SALL3: variants seen among roughly 807,000 people sequenced by gnomAD.
The protein encoded by SALL3 is spalt like transcription factor 3.
A neutral mutation model predicts 66.2 loss-of-function variants in SALL3; 25 were observed. The ratio of observed to expected loss-of-function variants is 0.38; its 90% CI spans 0.28 to 0.53. The LOEUF (loss-of-function observed/expected upper bound fraction) is 0.53, where lower values mean the gene tolerates loss of function less well. SALL3 is among the 20% of genes least tolerant of loss of function. SALL3 has a pLI of 0.85. For synonymous variants in SALL3, 1,152 were observed against 899.1 expected, an observed-to-expected ratio of 1.28 and a Z score of -5.03; for missense variants, 2,194 against 1,916.5, an observed-to-expected ratio of 1.14 and a Z score of -2.70.
At chr18:78,991,916 C>G in intron 1 of SALL3, 158 bp from the exon 2 acceptor site, 1 of 513,302 alleles carries the variant, frequency 1.9e-6, no homozygotes, top group South Asian at 4.3e-5. Flanking sequence ...AAATGATTAG[C>G]TAGCTAGAAA....
intron 1 of SALL3, among the ~76,000 whole-genome samples, chr18:78,990,544 T>C (rs1356391636): frequency 6.6e-6 from 1 of 152,256 alleles, no homozygotes; most frequent in Admixed American, 6.5e-5. Flanking sequence ...GAATTCTCTA[T>C]TGAACTCAGT....
At chr18:78,989,844 C>T (rs2146212336) in intron 1 of SALL3, among the ~76,000 whole-genome samples, 1 of 152,234 alleles carries the variant, frequency 6.6e-6, no homozygotes, top group East Asian at 1.9e-4. Flanking sequence ...TATTTCTGTG[C>T]CATATAGATG....
Position 78,992,079 on chromosome 18 carries a change from C to G in SALL3, c.88C>G (p.Pro30Ala). 1.3e-6 allele frequency: 2 copies of G among 1,507,558 alleles called. No homozygotes were observed. The highest frequency in any genetic ancestry group is 1.8e-6 in the Non-Finnish European group (2 of 1,124,804). The allele number at this position is 1,507,558 out of a possible 1,614,324, so 93.4% of individuals were successfully genotyped here. Residue 30 changes from proline (P) to alanine (A), a missense_variant, in exon 2 of 3, where the codon CCG (proline) becomes GCG (alanine). Coordinates refer to ENST00000537592, the MANE Select transcript of SALL3 (RefSeq NM_171999.4). ...PPDGAPEHAA[P>A]GEGAEDADSG... ...TCACTCTCTTGGTCTTGCAGCCGCC[C>G]CGGGGGAAGGTGCGGAGGACGCAGA...
At position 78,994,109 on chromosome 18, in the gene SALL3, G is replaced by C. The variant is rs145469808; in HGVS notation, c.2118G>C (p.Pro706=). ...ACCGGACGCACACGGGGGAGCGGCC[G>C]TTCAAGTGCAAGATCTGCGGCCGCG... ...MHYRTHTGER[P]FKCKICGRAF... Residue 706 remains proline (P), a synonymous_variant, in exon 2 of 3, where the codon CCG becomes CCC. Transcript: ENST00000537592. The C allele has an allele frequency of 5.6e-6, 9 of 1,612,938 alleles. No individual in the cohort carries two copies. The highest frequency in any genetic ancestry group is 7.6e-6 in the Non-Finnish European group (9 of 1,179,978).
At chr18:78,981,859 G>A (rs185654662) in intron 1 of SALL3, among the ~76,000 whole-genome samples, 3 of 152,240 alleles carry the variant, frequency 2.0e-5, no homozygotes, top group Admixed American at 2.0e-4. Context: ...CAAATGAATG[G>A]ATTTATTTCT....
chr18:78,993,278 C>A lies in SALL3; in HGVS notation c.1287C>A (p.Phe429Leu), dbSNP rs780792521. ...KHKCRFCAKV[F>L]GSDSALQIHL... ...AATGCCGCTTCTGCGCCAAGGTCTT[C>A]GGCAGCGACAGCGCGCTCCAGATCC... is the stretch of plus-strand genomic sequence containing the variant. The change falls in exon 2 of 3, where the codon TTC becomes TTA. Residue 429 changes from phenylalanine to leucine, a missense_variant. By Grantham distance (22) the Phe-to-Leu change is conservative. Coordinates refer to ENST00000537592, the MANE Select transcript of SALL3 (RefSeq NM_171999.4). 1 of 1,610,728 alleles carries A rather than the reference C, an allele frequency of 6.2e-7. No individual in the cohort carries two copies. The highest frequency in any genetic ancestry group is 1.7e-5 in the Admixed American group (1 of 59,954).
In SALL3 at chr18:78,992,732, C is replaced by T. The variant is rs1914492972; in HGVS notation, c.741C>T (p.Ala247=). 4 of 1,348,780 alleles carry T rather than the reference C, an allele frequency of 3.0e-6. No homozygotes were observed. The highest frequency in any genetic ancestry group is 1.6e-5 in the African/African-American group (1 of 63,406). 83.6% of individuals were successfully genotyped at this position (1,348,780 alleles called of 1,614,324 possible). A position where few individuals can be genotyped will look rare whatever the true frequency, so the allele number is the denominator to read the frequency against. ...GGCCCTCACTCAGCCCCGCGGCCGCCCCGAGCGCACCGGGCCCGGCCCCCA... is the reference window on the plus strand; with the variant it reads ...GGCCCTCACTCAGCCCCGCGGCCGCTCCGAGCGCACCGGGCCCGGCCCCCA... ...PPRPSLSPAA[A]PSAPGPAPSQ... Residue 247 remains alanine, a synonymous_variant, in exon 2 of 3, where the codon GCC becomes GCT. Coordinates refer to ENST00000537592, the MANE Select transcript of SALL3 (RefSeq NM_171999.4).
At position 78,992,376 on chromosome 18, in the gene SALL3, A is replaced by G. The variant is rs1914471199; in HGVS notation, c.385A>G (p.Lys129Glu). The G allele has an allele frequency of 7.5e-7, 1 of 1,330,818 alleles. No individual in the cohort carries two copies. The highest frequency in any genetic ancestry group is 9.6e-7 in the Non-Finnish European group (1 of 1,046,772). The allele number at this position is 1,330,818 out of a possible 1,614,324, so 82.4% of individuals were successfully genotyped here. A position where few individuals can be genotyped will look rare whatever the true frequency, so the allele number is the denominator to read the frequency against. ...GGAGGGCGAGGCCAGGCCGGTGGAGAAGGAGGCCGAGCCCATGGACGCGGA... is the reference window on the plus strand; with the variant it reads ...GGAGGGCGAGGCCAGGCCGGTGGAGGAGGAGGCCGAGCCCATGGACGCGGA... Reference protein sequence around the residue: ...GAEGEARPVEKEAEPMDAEPA... With the variant: ...GAEGEARPVEEEAEPMDAEPA... The change falls in exon 2 of 3, where the codon AAG becomes GAG. Residue 129 changes from lysine to glutamate, a missense_variant. Physicochemically the swap from Lys to Glu is moderately conservative, Grantham distance 56 (BLOSUM62 1). Transcript: ENST00000537592.
rs548990956 is a variant in SALL3, at chr18:78,994,777, A to C, written c.2786A>C (p.Gln929Pro). 2 of 1,599,324 alleles carry C rather than the reference A, an allele frequency of 1.3e-6. No homozygotes were observed. Among genetic ancestry groups the C allele is most frequent in the South Asian group, 2.2e-5 (2 of 90,390 alleles). Reference sequence around the variant, plus strand: ...GGCCTGGGCGCCCCGGAGGAGCCCCAGGAAATCCCGCTCAAGACCGAGAGG... The same window carrying C: ...GGCCTGGGCGCCCCGGAGGAGCCCCCGGAAATCCCGCTCAAGACCGAGAGG... ...SPGLGAPEEP[Q>P]EIPLKTERPD... The change falls in exon 2 of 3, where the codon CAG (glutamine) becomes CCG (proline). Residue 929 changes from glutamine (Q) to proline (P), a missense_variant. Physicochemically the swap from Gln to Pro is moderately conservative, Grantham distance 76. Transcript: ENST00000537592.
In SALL3 at chr18:78,993,112, C is replaced by T. The variant is rs757649430; in HGVS notation, c.1121C>T (p.Pro374Leu). Residue 374 changes from proline (P) to leucine (L), a missense_variant, in exon 2 of 3, where the codon CCC (proline) becomes CTC (leucine). Coordinates refer to ENST00000537592, the MANE Select transcript of SALL3 (RefSeq NM_171999.4). ...PQTSASGVIFPNPLVSIAATA... is the reference protein window; with the variant it reads ...PQTSASGVIFLNPLVSIAATA... ...ACTTCCGCCAGCGGCGTCATCTTCC[C>T]CAACCCGCTGGTCAGCATCGCGGCC... 2 of 1,604,018 alleles carry T rather than the reference C, an allele frequency of 1.2e-6. No homozygotes were observed. Among genetic ancestry groups the T allele is most frequent in the South Asian group, 1.1e-5 (1 of 89,854 alleles).
chr18:78,993,572 G>T lies in SALL3; in HGVS notation c.1581G>T (p.Gly527=), dbSNP rs765064743. Residue 527 remains glycine (G), a synonymous_variant, in exon 2 of 3, where the codon GGG becomes GGT. Coordinates refer to ENST00000537592, the MANE Select transcript of SALL3 (RefSeq NM_171999.4). ...PVLPTVPTSV[G]LQLPPTVPGA... Reference sequence around the variant, plus strand: ...TGCCCACCGTGCCCACGTCCGTGGGGCTGCAACTGCCGCCCACTGTCCCTG... The same window carrying T: ...TGCCCACCGTGCCCACGTCCGTGGGTCTGCAACTGCCGCCCACTGTCCCTG... 6.3e-6 allele frequency: 10 copies of T among 1,589,788 alleles called. No individual in the cohort carries two copies. The South Asian group carries it at 1.1e-4, about 18-fold the overall frequency.
chr18:78,994,073 G>A lies in SALL3; in HGVS notation c.2082G>A (p.Leu694=). ...GGGTGCTGAGCTGCCAGAGCGCGCT[G>A]AAGATGCACTACCGGACGCACACGG... ...CHRVLSCQSA[L]KMHYRTHTGE... is the part of the protein sequence containing the mutation. Residue 694 remains leucine, a synonymous_variant, in exon 2 of 3, where the codon CTG becomes CTA. Coordinates refer to ENST00000537592, the MANE Select transcript of SALL3 (RefSeq NM_171999.4). 1 of 1,613,028 alleles carries A rather than the reference G, an allele frequency of 6.2e-7. No individual in the cohort carries two copies. Among genetic ancestry groups the A allele is most frequent in the Non-Finnish European group, 8.5e-7 (1 of 1,179,972 alleles).
At chr18:78,988,312 A>G (rs761818228) in intron 1 of SALL3, among the ~76,000 whole-genome samples, 9 of 152,230 alleles carry the variant, frequency 5.9e-5, no homozygotes, top group Non-Finnish European at 1.2e-4. Context: ...TATAGACAGC[A>G]CTTAAACGTA....
rs201370611 is a variant in SALL3, at chr18:78,997,088, C to T, written c.3669C>T (p.Leu1223=). 7.3e-5 allele frequency: 118 copies of T among 1,614,062 alleles called. No homozygotes were observed. In the Admixed American group the frequency reaches 1.7e-3, roughly 23 times the overall value. Residue 1223 remains leucine, a synonymous_variant, in exon 3 of 3, where the codon CTC becomes CTT. Coordinates refer to ENST00000537592, the MANE Select transcript of SALL3 (RefSeq NM_171999.4). ...ATGCTGCAGCCATCACTAACGGGCT[C>T]GCCATGAAGAACAACGAGATCTCCG... ...NQYAAAITNG[L]AMKNNEISVI...
Position 78,992,431 on chromosome 18 carries a change from C to A in SALL3, c.440C>A (p.Pro147His). The change falls in exon 2 of 3, where the codon CCC (proline) becomes CAC (histidine). Residue 147 changes from proline (P) to histidine (H), a missense_variant. Coordinates refer to ENST00000537592, the MANE Select transcript of SALL3 (RefSeq NM_171999.4). ...EPAGDTRAPR[P>H]PPAAPAPPTP... ...GCGGGGGACACGCGCGCGCCCCGGC[C>A]CCCGCCTGCGGCCCCTGCACCCCCA... is the stretch of plus-strand genomic sequence containing the variant. 1 of 1,355,846 alleles carries A rather than the reference C, an allele frequency of 7.4e-7. No homozygotes were observed. Among genetic ancestry groups the A allele is most frequent in the South Asian group, 1.6e-5 (1 of 62,520 alleles). The allele number at this position is 1,355,846 out of a possible 1,614,324, so 84.0% of individuals were successfully genotyped here.
chr18:78,994,922 T>C lies in SALL3; in HGVS notation c.2931T>C (p.Thr977=). The C allele has an allele frequency of 6.2e-7, 1 of 1,613,506 alleles. No individual in the cohort carries two copies. Among genetic ancestry groups the C allele is most frequent in the Non-Finnish European group, 8.5e-7 (1 of 1,179,968 alleles). Residue 977 remains threonine (T), a synonymous_variant, in exon 2 of 3, where the codon ACT becomes ACC. Transcript: ENST00000537592. The part of the protein sequence containing the change: ...LSRERGKCPS[T]VCGVCGKPFA... ...GGGAGCGGGGTAAGTGTCCCAGCAC[T>C]GTGTGTGGTGTCTGTGGCAAGCCTT... is the stretch of plus-strand genomic sequence containing the variant.
chr18:78,994,040 C>T lies in SALL3; in HGVS notation c.2049C>T (p.Ile683=). The change falls in exon 2 of 3, where the codon ATC becomes ATT. Residue 683 remains isoleucine (I), a synonymous_variant. Transcript: ENST00000537592. The part of the protein sequence containing the change: ...KKMTDPNQCV[I]CHRVLSCQSA... ...TGACGGACCCGAACCAGTGCGTCAT[C>T]TGCCACCGGGTGCTGAGCTGCCAGA... 1 of 1,612,782 alleles carries T rather than the reference C, an allele frequency of 6.2e-7. No individual in the cohort carries two copies. Among genetic ancestry groups the T allele is most frequent in the Non-Finnish European group, 8.5e-7 (1 of 1,179,964 alleles).
intron 1 of SALL3, among the ~76,000 whole-genome samples, chr18:78,981,540 C>T (rs1192273040): frequency 2.0e-5 from 3 of 152,216 alleles, no homozygotes; most frequent in Non-Finnish European, 4.4e-5. Context: ...AGCGGGTAGA[C>T]ACCCATGTCG....
At position 78,980,370 on chromosome 18, in the gene SALL3, C is replaced by G; in HGVS notation, c.82+14C>G. 1 of 1,402,778 alleles carries G rather than the reference C, an allele frequency of 7.1e-7. No individual in the cohort carries two copies. Among genetic ancestry groups the G allele is most frequent in the South Asian group, 1.4e-5 (1 of 71,054 alleles). The allele number at this position is 1,402,778 out of a possible 1,614,324, so 86.9% of individuals were successfully genotyped here. A position where few individuals can be genotyped will look rare whatever the true frequency, so the allele number is the denominator to read the frequency against. On this transcript the variant is annotated intron_variant, in intron 1 of 2. Coordinates refer to ENST00000537592, the MANE Select transcript of SALL3 (RefSeq NM_171999.4). ...CTCCCGAGCACGGTGAGGGCCGGGG[C>G]TGCGGGGTGGCCGGGGGGTCTGGGG...
Sources: gnomAD v4.1 joint callset for allele counts (sites outside exome capture counted in the v4.1 genomes callset) on GRCh38, gnomAD v4.1.1 for gene constraint, MANE v1.5 for transcripts, NCBI Gene and HGNC (gene_info 2026-07-23, HGNC 2026-07-21) for gene names.